The following KLHL13 variants were observed in gnomAD, a reference collection of about 807,000 sequenced individuals.
KLHL13 encodes kelch-like protein 13.
Under a neutral mutation model 37.1 loss-of-function variants are expected in KLHL13, and 10 were observed. The ratio of observed to expected loss-of-function variants is 0.27; its 90% CI spans 0.17 to 0.46. The LOEUF is 0.46. Ranked by LOEUF, KLHL13 falls within the 20% of genes least tolerant of loss-of-function variation. The probability of loss-of-function intolerance (pLI) is 1.00; values close to 1 mark genes in which losing one functional copy is unlikely to be tolerated. For synonymous variants in KLHL13, 163 were observed against 181.2 expected (o/e 0.90, Z 0.81); for missense variants, 360 against 509.3 (o/e 0.71, Z 2.82).
At chrX:117,903,174 G>C (rs868861705) in intron 5 of KLHL13, among the ~76,000 whole-genome samples, 2,480 of 91,379 alleles carry the variant, frequency 0.027, 61 homozygotes, top group Middle Eastern at 0.052. Flanking sequence ...AGAGAGAGAG[G>C]AGAGCGAGAG....
intron 1 of KLHL13, among the ~76,000 whole-genome samples, chrX:117,954,713 C>T (rs946854999): frequency 1.8e-5 from 2 of 111,866 alleles, no homozygotes; most frequent in African/African-American, 6.5e-5. Context: ...CATGTGCTCC[C>T]ATCACTGTCA....
At chrX:117,913,717 C>T (rs745748031) in intron 4 of KLHL13, among the ~76,000 whole-genome samples, 1 of 110,485 alleles carries the variant, frequency 9.1e-6, no homozygotes, top group Non-Finnish European at 1.9e-5. Flanking sequence ...GTGGCACACG[C>T]CTGTATTCCC....
Position 118,105,563 on chromosome X carries a change from A to T in KLHL13, c.-56+10945T>A, listed in dbSNP as rs967221602. On this transcript the variant is annotated intron_variant, in intron 1 of 6. Transcript: ENST00000371882. Reference sequence around the variant, plus strand: ...CTCATAATGAGTGCAATAATGATTTATTAGTCACTGGCTGCTTGGTAATAA... The same window carrying T: ...CTCATAATGAGTGCAATAATGATTTTTTAGTCACTGGCTGCTTGGTAATAA... 4.4e-5 allele frequency among the ~76,000 whole-genome samples: 5 copies of T among 112,929 alleles called. 1 individual carries two copies. The highest frequency in any genetic ancestry group is 1.6e-4 in the African/African-American group (5 of 31,114).
At chrX:118,031,318 C>A (rs1427439623) in intron 1 of KLHL13, among the ~76,000 whole-genome samples, 2 of 106,800 alleles carry the variant, frequency 1.9e-5, no homozygotes, top group African/African-American at 6.8e-5. Context: ...TTGAGTTTTT[C>A]CATTACCTTA....
intron 1 of KLHL13, among the ~76,000 whole-genome samples, chrX:117,951,523 T>A (rs1284047576): frequency 9.0e-6 from 1 of 111,696 alleles, no homozygotes; most frequent in Non-Finnish European, 1.9e-5. Flanking sequence ...ATTTGTAGTT[T>A]TTTTAATGAC....
At chrX:117,983,332 T>C (rs2053685702) in intron 1 of KLHL13, 2 of 347,278 alleles carry the variant, frequency 5.8e-6, no homozygotes, top group Non-Finnish European at 1.0e-5. Flanking sequence ...ATGATTTACA[T>C]ACTTTTTTCC....
chrX:118,002,845 C>A (rs2053940274), intron 1 of KLHL13, among the ~76,000 whole-genome samples: 1 of 111,401 alleles, frequency 9.0e-6, no homozygotes, highest in Admixed American at 9.5e-5. Flanking sequence ...GGAAGTCCAA[C>A]AAAGATCTAA....
At chrX:118,114,940 C>A (rs745974413) in intron 1 of KLHL13, among the ~76,000 whole-genome samples, 1 of 112,036 alleles carries the variant, frequency 8.9e-6, no homozygotes, top group South Asian at 3.7e-4. Context: ...CTACTCTCAT[C>A]TCACTGCCAT....
chrX:117,907,579 C>T (rs139803738), intron 5 of KLHL13, among the ~76,000 whole-genome samples: 6,565 of 110,856 alleles, frequency 0.059, 176 homozygotes, highest in Middle Eastern at 0.13. Context: ...TTCCAGATAC[C>T]GCAAATTTAA....
chrX:118,043,057 T>C (rs1416984273), intron 1 of KLHL13, among the ~76,000 whole-genome samples: 4 of 110,834 alleles, frequency 3.6e-5, no homozygotes, highest in East Asian at 5.6e-4. Flanking sequence ...AAAGGAGACA[T>C]TACAACTGAT....
At chrX:117,973,574 C>T in exon 1 of KLHL13, 1 of 879,626 alleles carries the variant, frequency 1.1e-6, no homozygotes, top group Admixed American at 5.4e-5. Context: ...TGCTTCAGAA[C>T]TCTGCAGGTT....
intron 1 of KLHL13, among the ~76,000 whole-genome samples, chrX:117,951,951 A>G (rs1039733422): frequency 5.3e-5 from 6 of 112,190 alleles, no homozygotes; most frequent in African/African-American, 1.9e-4. Flanking sequence ...GTAGGAAGAA[A>G]CAATATCATG....
intron 1 of KLHL13, among the ~76,000 whole-genome samples, chrX:118,110,699 T>C (rs960350037): frequency 2.7e-5 from 3 of 111,387 alleles, no homozygotes; most frequent in Non-Finnish European, 5.7e-5. Context: ...TAATACAGAT[T>C]TCTATACACA....
chrX:117,991,843 GA>G, intron 1 of KLHL13, among the ~76,000 whole-genome samples: 1 of 69,074 alleles, frequency 1.4e-5, no homozygotes, highest in African/African-American at 5.1e-5. Flanking sequence ...CTCCTACAGT[GA>G]AACTCTCTCT....
chrX:118,032,361 A>G (rs1205799038), intron 1 of KLHL13, among the ~76,000 whole-genome samples: 46 of 111,930 alleles, frequency 4.1e-4, no homozygotes, highest in African/African-American at 9.4e-4. Flanking sequence ...TTTGAAGACA[A>G]CAGTGGTTCT....
intron 1 of KLHL13, among the ~76,000 whole-genome samples, chrX:117,996,152 G>A (rs2053851697): frequency 8.9e-6 from 1 of 112,222 alleles, no homozygotes. Context: ...ACACCAGAAT[G>A]TGTGTCTCTA....
At chrX:118,098,390 A>G (rs1194916463) in intron 1 of KLHL13, among the ~76,000 whole-genome samples, 4 of 111,526 alleles carry the variant, frequency 3.6e-5, no homozygotes, top group Non-Finnish European at 7.5e-5. Context: ...AACTCACACC[A>G]GTTAGAATGG....
intron 1 of KLHL13, among the ~76,000 whole-genome samples, chrX:118,030,299 T>C (rs754688447): frequency 1.8e-5 from 2 of 112,212 alleles, no homozygotes; most frequent in Admixed American, 9.5e-5. Flanking sequence ...GATTTACCTT[T>C]TCTAAAACAT....
chrX:117,921,928 T>C (rs944039218), intron 2 of KLHL13, among the ~76,000 whole-genome samples: 3 of 112,389 alleles, frequency 2.7e-5, no homozygotes, highest in Non-Finnish European at 3.8e-5. Flanking sequence ...TTATATATCA[T>C]ATTTTTCTTT....
Sources: gnomAD v4.1 joint callset for allele counts (sites outside exome capture counted in the v4.1 genomes callset) on GRCh38, gnomAD v4.1.1 for gene constraint, MANE v1.5 for transcripts, NCBI Gene and HGNC (gene_info 2026-07-23, HGNC 2026-07-21) for gene names.